MAN2A1: variants seen among roughly 807,000 people sequenced by gnomAD.
The protein encoded by MAN2A1 is alpha-mannosidase 2.
In MAN2A1, 76 loss-of-function variants were observed where a neutral mutation model predicts 142.6. That is an observed-to-expected ratio of 0.53 (90% CI 0.44 to 0.65). The LOEUF (loss-of-function observed/expected upper bound fraction) is 0.65. Among genes scored for constraint, MAN2A1 ranks in the 30% least tolerant of loss-of-function variants. MAN2A1 has a pLI of 0.00. For synonymous variants in MAN2A1, 559 were observed against 473.2 expected (o/e 1.18, Z -2.35); for missense variants, 1,311 against 1,365.1 (o/e 0.96, Z 0.62).
At chr5:109,845,832 A>C (rs774579630) in intron 17 of MAN2A1, 33 bp from the exon 18 acceptor site, 1 of 1,577,398 alleles carries the variant, frequency 6.3e-7, no homozygotes, top group African/African-American at 1.4e-5. Flanking sequence ...TGTAAATATC[A>C]CTTTTTGTAG....
At chr5:109,776,520 C>G (rs569098539) in intron 8 of MAN2A1, among the ~76,000 whole-genome samples, 1 of 152,036 alleles carries the variant, frequency 6.6e-6, no homozygotes, top group Non-Finnish European at 1.5e-5. Flanking sequence ...AGCATCTGGT[C>G]TCCTGTCTGA....
chr5:109,713,744 A>G lies in MAN2A1; in HGVS notation c.360A>G (p.Ser120=), dbSNP rs1229613384. Residue 120 remains serine, a synonymous_variant, in exon 2 of 22, where the codon TCA becomes TCG. Transcript: ENST00000261483. Reference sequence around the variant, plus strand: ...ACACTGCAGACTGTCTGTTTGCTTCACAAAGTGGAAGTCACAATTCAGATG... The same window carrying G: ...ACACTGCAGACTGTCTGTTTGCTTCGCAAAGTGGAAGTCACAATTCAGATG... The part of the protein sequence containing the change: ...SVDTADCLFA[S]QSGSHNSDVQ... 2 of 1,613,790 alleles carry G rather than the reference A, an allele frequency of 1.2e-6. No individual in the cohort carries two copies. Among genetic ancestry groups the G allele is most frequent in the Non-Finnish European group, 8.5e-7 (1 of 1,179,926 alleles).
At chr5:109,763,824 C>T (rs1249031148) in intron 5 of MAN2A1, among the ~76,000 whole-genome samples, 10 of 147,292 alleles carry the variant, frequency 6.8e-5, no homozygotes, top group Admixed American at 2.7e-4. Context: ...TTTTTTGAGA[C>T]GGAGTCTCAC....
At chr5:109,820,030 G>A in intron 14 of MAN2A1, 143 bp downstream of exon 14, 1 of 802,366 alleles carries the variant, frequency 1.2e-6, no homozygotes, top group South Asian at 1.8e-5. Flanking sequence ...TGAGCTTTTT[G>A]CACCTTCATT....
At chr5:109,695,272 T>C (rs1019350001) in intron 1 of MAN2A1, among the ~76,000 whole-genome samples, 2 of 152,234 alleles carry the variant, frequency 1.3e-5, no homozygotes, top group African/African-American at 4.8e-5. Flanking sequence ...AACACTGTTA[T>C]CAGGGCCTAA....
chr5:109,840,414 G>A (rs1755169630), intron 16 of MAN2A1: 2 of 433,974 alleles, frequency 4.6e-6, no homozygotes, highest in Admixed American at 5.3e-5. Flanking sequence ...CCTCCTACAG[G>A]TGCATTTCTA....
At chr5:109,784,125 G>A (rs1753534583) in intron 9 of MAN2A1, among the ~76,000 whole-genome samples, 1 of 152,086 alleles carries the variant, frequency 6.6e-6, no homozygotes, top group African/African-American at 2.4e-5. Flanking sequence ...AGGATTACAG[G>A]CATAAGCCAC....
chr5:109,812,065 A>G (rs1007351625), intron 12 of MAN2A1, among the ~76,000 whole-genome samples: 3 of 152,192 alleles, frequency 2.0e-5, no homozygotes, highest in Admixed American at 6.5e-5. Flanking sequence ...TCAGGATACC[A>G]TGAGAGTCTT....
At chr5:109,692,846 C>A (rs1007705449) in intron 1 of MAN2A1, among the ~76,000 whole-genome samples, 8 of 152,056 alleles carry the variant, frequency 5.3e-5, no homozygotes, top group African/African-American at 1.7e-4. Context: ...TGAAGCTGTT[C>A]CACCTCAGAT....
intron 20 of MAN2A1, among the ~76,000 whole-genome samples, chr5:109,856,265 C>T (rs904522464): frequency 1.3e-5 from 2 of 152,026 alleles, no homozygotes; most frequent in African/African-American, 4.8e-5. Context: ...GTATATTGTA[C>T]ATGCTATACC....
chr5:109,804,685 T>C (rs1580269838), intron 12 of MAN2A1, among the ~76,000 whole-genome samples: 1 of 152,282 alleles, frequency 6.6e-6, no homozygotes, highest in East Asian at 1.9e-4. Context: ...TCATATTTTT[T>C]ACCAGTCATA....
chr5:109,761,006 A>G (rs1028397562), intron 5 of MAN2A1, among the ~76,000 whole-genome samples: 1 of 151,750 alleles, frequency 6.6e-6, no homozygotes, highest in Non-Finnish European at 1.5e-5. Context: ...GTTTATGGTT[A>G]TTCGTTTGTT....
intron 15 of MAN2A1, among the ~76,000 whole-genome samples, chr5:109,820,946 A>T (rs951797583): frequency 6.6e-6 from 1 of 152,044 alleles, no homozygotes; most frequent in Non-Finnish European, 1.5e-5. Context: ...CAGACACAAA[A>T]CCTCTAGCCG....
chr5:109,844,103 T>A (rs1343721198), intron 17 of MAN2A1, among the ~76,000 whole-genome samples: 2 of 152,226 alleles, frequency 1.3e-5, no homozygotes, highest in Non-Finnish European at 2.9e-5. Flanking sequence ...ATTCATTTTT[T>A]TATGTACAAA....
At chr5:109,702,392 G>A (rs1339235228) in intron 1 of MAN2A1, among the ~76,000 whole-genome samples, 1 of 151,584 alleles carries the variant, frequency 6.6e-6, no homozygotes, top group African/African-American at 2.4e-5. Context: ...GTGGTGGAGA[G>A]GGAGAGAGAG....
At chr5:109,766,399 G>A (rs959211842) in intron 5 of MAN2A1, among the ~76,000 whole-genome samples, 1 of 152,146 alleles carries the variant, frequency 6.6e-6, no homozygotes, top group African/African-American at 2.4e-5. Flanking sequence ...CAAATCTTAT[G>A]TGGTCAGTTC....
At chr5:109,719,500 G>A (rs1006122183) in intron 3 of MAN2A1, among the ~76,000 whole-genome samples, 1 of 152,144 alleles carries the variant, frequency 6.6e-6, no homozygotes, top group Non-Finnish European at 1.5e-5. Context: ...AAGTCAAAAT[G>A]TGACACTATA....
intron 12 of MAN2A1, among the ~76,000 whole-genome samples, chr5:109,796,593 TA>T (rs11315259): frequency 0.68 from 103,629 of 152,022 alleles, 36,633 homozygotes; most frequent in East Asian, 0.9. Context: ...CAAGGAAACT[TA>T]ACGATAGATC....
chr5:109,739,800 C>A (rs2112603587), intron 4 of MAN2A1, among the ~76,000 whole-genome samples: 1 of 152,262 alleles, frequency 6.6e-6, no homozygotes, highest in Non-Finnish European at 1.5e-5. Context: ...GGGAAGTGGT[C>A]TCTCACCCAA....
Sources: gnomAD v4.1 joint callset for allele counts (sites outside exome capture counted in the v4.1 genomes callset) on GRCh38, gnomAD v4.1.1 for gene constraint, MANE v1.5 for transcripts, NCBI Gene and HGNC (gene_info 2026-07-23, HGNC 2026-07-21) for gene names.